The following ATG12 variants were observed in gnomAD, a reference collection of about 807,000 sequenced individuals.
ATG12 encodes the protein ubiquitin-like protein ATG12.
In ATG12, 19 loss-of-function variants were observed where a neutral mutation model predicts 17.6. The observed-to-expected ratio is 1.08, with a 90% CI of 0.75 to 1.58. The LOEUF (loss-of-function observed/expected upper bound fraction) is 1.58, where lower values mean the gene tolerates loss of function less well. Among genes scored for constraint, ATG12 ranks in the 40% most tolerant of loss-of-function variants. The probability of loss-of-function intolerance (pLI) is 0.00; values close to 1 mark genes in which losing one functional copy is unlikely to be tolerated. For synonymous variants in ATG12, 75 were observed against 62.4 expected (o/e 1.20, Z -0.95); for missense variants, 214 against 162.0 (o/e 1.32, Z -1.74).
At chr5:115,835,444 G>A (rs1205349674) in intron 2 of ATG12, among the ~76,000 whole-genome samples, 2 of 152,180 alleles carry the variant, frequency 1.3e-5, no homozygotes, top group South Asian at 2.1e-4. Context: ...TATTCAAAAC[G>A]ATGGAGGCCT....
intron 2 of ATG12, among the ~76,000 whole-genome samples, chr5:115,837,040 T>A (rs1761131038): frequency 6.6e-6 from 1 of 152,182 alleles, no homozygotes; most frequent in Non-Finnish European, 1.5e-5. Context: ...ATCCAAAACT[T>A]CTGTAGTAAT....
chr5:115,840,755 A>T, intron 1 of ATG12: 1 of 1,179,290 alleles, frequency 8.5e-7, no homozygotes, highest in East Asian at 6.1e-5. Flanking sequence ...TCTTTTACAA[A>T]GGGAAACATT....
chr5:115,833,154 A>C (rs1227805835), intron 2 of ATG12: 1 of 152,280 alleles, frequency 6.6e-6, no homozygotes, highest in East Asian at 1.9e-4. Flanking sequence ...GCAGGAAAAA[A>C]AGTAACAATT....
chr5:115,840,576 G>A (rs933698521), intron 1 of ATG12: 4 of 1,276,804 alleles, frequency 3.1e-6, no homozygotes, highest in African/African-American at 1.5e-5. Context: ...GGGATTACAG[G>A]AGTGAGCCAC....
At position 115,829,060 on chromosome 5, in the gene ATG12, G is replaced by C. The variant is rs1760756595; in HGVS notation, c.*2744C>G. The C allele has an allele frequency of 6.6e-6, 1 of 152,278 alleles. No individual in the cohort carries two copies. The highest frequency in any genetic ancestry group is 2.4e-5 in the African/African-American group (1 of 41,566). 9.4% of individuals were successfully genotyped at this position (152,278 alleles called of 1,614,324 possible). On this transcript the variant is annotated 3_prime_UTR_variant, in exon 4 of 4. Coordinates refer to ENST00000509910, the MANE Select transcript of ATG12 (RefSeq NM_004707.4). ...CAAAGAATGGTGAATAATCCAGTTT[G>C]GGTTAAATAATGTAGGCAGAGTATT... is the stretch of plus-strand genomic sequence containing the variant.
chr5:115,840,495 A>T lies in ATG12; in HGVS notation c.163+895T>A, dbSNP rs147706083. On this transcript the variant is annotated intron_variant, in intron 1 of 3. Transcript: ENST00000509910. ...ATATTTTTAGTAGAGATGGAGTCTT[A>T]CCATGTTGGCCAGGCTGGTCTCGAA... The T allele has an allele frequency of 0.017, 9,933 of 593,990 alleles. 189 individuals carry two copies. The highest frequency in any genetic ancestry group is 0.082 in the Admixed American group (2,129 of 25,952). The allele number at this position is 593,990 out of a possible 1,614,324, so 36.8% of individuals were successfully genotyped here.
At chr5:115,835,608 ATTGT>A (rs146247425) in intron 2 of ATG12, among the ~76,000 whole-genome samples, 1,737 of 151,986 alleles carry the variant, frequency 0.011, 38 homozygotes, top group African/African-American at 0.04. Flanking sequence ...CCATTTTGAG[ATTGT>A]TTGAGCCCTT....
At position 115,831,868 on chromosome 5, in the gene ATG12, A is replaced by C. The variant is rs761067344; in HGVS notation, c.364-5T>G. On this transcript the variant is annotated splice_region_variant and splice_polypyrimidine_tract_variant and intron_variant, in intron 3 of 3. Transcript: ENST00000509910. The stretch of plus-strand genomic sequence containing the variant: ...TTTACCATCACTGCCAAAACACTAC[A>C]AAAAAAAAAGGCAATAAATCAAACT... 27 of 1,256,004 alleles carry C rather than the reference A, an allele frequency of 2.1e-5. No homozygotes were observed. The highest frequency in any genetic ancestry group is 2.8e-5 in the East Asian group (1 of 35,506). The allele number at this position is 1,256,004 out of a possible 1,614,324, so 77.8% of individuals were successfully genotyped here. A position where few individuals can be genotyped will look rare whatever the true frequency, so the allele number is the denominator to read the frequency against.
rs1214173339 is a variant in ATG12 at position 115,830,137 on chromosome 5, A to AT, written c.*1666_*1667insA. On this transcript the variant is annotated 3_prime_UTR_variant, in exon 4 of 4. Transcript: ENST00000509910. ...TGTCTCTTTAAAAAAAAAAAAAAAA[A>AT]AAAAAAGTGCAAAGTCCTATGTATT... 1.3e-5 allele frequency: 2 copies of AT among 151,652 alleles called. No individual in the cohort carries two copies. 9.4% of individuals were successfully genotyped at this position (151,652 alleles called of 1,614,324 possible).
Position 115,830,863 on chromosome 5 carries a change from G to C in ATG12, c.*941C>G, listed in dbSNP as rs1204403415. ...GGCATTATAAACATAATACTAAAGA[G>C]AAAAAAAGGTTAAATTTCACTTCAA... On this transcript the variant is annotated 3_prime_UTR_variant, in exon 4 of 4. Coordinates refer to ENST00000509910, the MANE Select transcript of ATG12 (RefSeq NM_004707.4). 6.6e-6 allele frequency: 1 copy of C among 151,530 alleles called. No homozygotes were observed. Among genetic ancestry groups the C allele is most frequent in the Non-Finnish European group, 1.5e-5 (1 of 67,872 alleles). The allele number at this position is 151,530 out of a possible 1,614,324, so 9.4% of individuals were successfully genotyped here.
chr5:115,837,904 A>C, intron 1 of ATG12, 140 bp from the exon 2 acceptor site: 3 of 705,788 alleles, frequency 4.3e-6, no homozygotes, highest in Non-Finnish European at 6.3e-6. Context: ...TGAGAGATGT[A>C]AAAATGTTAG....
At position 115,829,591 on chromosome 5, in the gene ATG12, A is replaced by G. The variant is rs1304191209; in HGVS notation, c.*2213T>C. On this transcript the variant is annotated 3_prime_UTR_variant, in exon 4 of 4. Coordinates refer to ENST00000509910, the MANE Select transcript of ATG12 (RefSeq NM_004707.4). ...AGTAAGATGAAGCATGATATTAATG[A>G]CATCTATTTAGTCACAAAGAAAATT... is the stretch of plus-strand genomic sequence containing the variant. 1 of 152,200 alleles carries G rather than the reference A, an allele frequency of 6.6e-6. No individual in the cohort carries two copies. The highest frequency in any genetic ancestry group is 1.5e-5 in the Non-Finnish European group (1 of 68,038). The allele number at this position is 152,200 out of a possible 1,614,324, so 9.4% of individuals were successfully genotyped here.
In ATG12 at chr5:115,829,294, T is replaced by C. The variant is rs1477906884; in HGVS notation, c.*2510A>G. The stretch of plus-strand genomic sequence containing the variant: ...ACACCTAAGGCTTTCTCACTTTGTG[T>C]TACAACTAAATTGGTTGACTAATGT... On this transcript the variant is annotated 3_prime_UTR_variant, in exon 4 of 4. Coordinates refer to ENST00000509910, the MANE Select transcript of ATG12 (RefSeq NM_004707.4). The C allele has an allele frequency of 1.3e-5, 2 of 152,332 alleles. No individual in the cohort carries two copies. Among genetic ancestry groups the C allele is most frequent in the East Asian group, 3.9e-4 (2 of 5,190 alleles). The allele number at this position is 152,332 out of a possible 1,614,324, so 9.4% of individuals were successfully genotyped here. A position where few individuals can be genotyped will look rare whatever the true frequency, so the allele number is the denominator to read the frequency against.
At chr5:115,838,031 CACAA>C (rs1287458128) in intron 1 of ATG12, 19 of 293,180 alleles carry the variant, frequency 6.5e-5, no homozygotes, top group African/African-American at 4.0e-4. Flanking sequence ...ATGATCAATA[CACAA>C]ACAATATTTA....
chr5:115,840,532 A>C (rs929008176), intron 1 of ATG12: 1 of 1,024,958 alleles, frequency 9.8e-7, no homozygotes, highest in Non-Finnish European at 1.3e-6. Flanking sequence ...TCTTGACCTC[A>C]GGTGATCCAC....
intron 3 of ATG12, 31 bp downstream of exon 3, chr5:115,832,571 C>CTTTTTTTTTTTT (rs35310189): frequency 3.7e-6 from 3 of 802,450 alleles, no homozygotes; most frequent in African/African-American, 3.2e-5. Context: ...TAATTTCTTT[C>CTTTTTTTTTTTT]TTTTTTTTTT....
Position 115,837,702 on chromosome 5 carries a change from C to G in ATG12, c.226G>C (p.Glu76Gln). Reference sequence around the variant, plus strand: ...AGTCCTTGGATGGTTCGTGTTCGCTCTACTGCCCACTTCTTTGTTTTCATA... The same window carrying G: ...AGTCCTTGGATGGTTCGTGTTCGCTGTACTGCCCACTTCTTTGTTTTCATA... ...PIMKTKKWAV[E>Q]RTRTIQGLID... Residue 76 changes from glutamate (E) to glutamine (Q), a missense_variant, in exon 2 of 4, where the codon GAG (glutamate) becomes CAG (glutamine). Physicochemically the swap from Glu to Gln is conservative, Grantham distance 29 (BLOSUM62 2). Transcript: ENST00000509910. The G allele has an allele frequency of 6.2e-7, 1 of 1,613,284 alleles. No homozygotes were observed. Among genetic ancestry groups the G allele is most frequent in the Non-Finnish European group, 8.5e-7 (1 of 1,179,812 alleles).
rs1230442447 is a variant in ATG12 at position 115,831,525 on chromosome 5, T to C, written c.*279A>G. On this transcript the variant is annotated 3_prime_UTR_variant, in exon 4 of 4. Coordinates refer to ENST00000509910, the MANE Select transcript of ATG12 (RefSeq NM_004707.4). ...ATGTTTATACAGTCTTAGTCTCCTT[T>C]TCAACCTTGGAGGCAGATCTGCAGC... 2 of 512,242 alleles carry C rather than the reference T, an allele frequency of 3.9e-6. No homozygotes were observed. The highest frequency in any genetic ancestry group is 6.9e-6 in the Non-Finnish European group (2 of 290,104). The allele number at this position is 512,242 out of a possible 1,614,324, so 31.7% of individuals were successfully genotyped here. A position where few individuals can be genotyped will look rare whatever the true frequency, so the allele number is the denominator to read the frequency against.
intron 2 of ATG12, among the ~76,000 whole-genome samples, chr5:115,835,418 G>A (rs1289937315): frequency 6.6e-6 from 1 of 152,098 alleles, no homozygotes; most frequent in East Asian, 1.9e-4. Context: ...AGCTCCCCTT[G>A]TTGTTTTTTG....
Sources: gnomAD v4.1 joint callset for allele counts (sites outside exome capture counted in the v4.1 genomes callset) on GRCh38, gnomAD v4.1.1 for gene constraint, MANE v1.5 for transcripts, NCBI Gene and HGNC (gene_info 2026-07-23, HGNC 2026-07-21) for gene names.